The following CFAP299 variants were observed in gnomAD, a reference collection of about 807,000 sequenced individuals.
CFAP299 encodes cilia and flagella associated protein 299.
Under a neutral mutation model 27.0 loss-of-function variants are expected in CFAP299, and 21 were observed. That is an observed-to-expected ratio of 0.78 (90% CI 0.55 to 1.12). CFAP299 has a LOEUF of 1.12. Among genes scored for constraint, CFAP299 ranks in the 50% most tolerant of loss-of-function variants. The pLI is 0.00. For missense variants in CFAP299, 310 were observed against 276.6 expected, an observed-to-expected ratio of 1.12 and a Z score of -0.86; for synonymous variants, 104 against 98.1, an observed-to-expected ratio of 1.06 and a Z score of -0.36.
At chr4:80,916,296 T>TATATATATATATATATATATATATA (rs1578236267) in intron 4 of CFAP299, among the ~76,000 whole-genome samples, 2 of 130,678 alleles carry the variant, frequency 1.5e-5, no homozygotes, top group South Asian at 2.5e-4. Context: ...TATATATATA[T>TATATATATATATATATATATATATA]TTCAGGTACA....
At chr4:80,712,554 A>G (rs561165745) in intron 3 of CFAP299, among the ~76,000 whole-genome samples, 25 of 152,298 alleles carry the variant, frequency 1.6e-4, no homozygotes, top group African/African-American at 5.3e-4. Context: ...GTAAGTCAAC[A>G]ATGGTGACTA....
At chr4:80,567,627 G>T (rs1735367815) in intron 2 of CFAP299, among the ~76,000 whole-genome samples, 1 of 151,850 alleles carries the variant, frequency 6.6e-6, no homozygotes, top group African/African-American at 2.4e-5. Context: ...ATTAAAGGCG[G>T]ATTGTCTGTT....
chr4:80,917,558 C>G (rs772999642), intron 4 of CFAP299, among the ~76,000 whole-genome samples: 1 of 152,096 alleles, frequency 6.6e-6, no homozygotes, highest in Non-Finnish European at 1.5e-5. Context: ...TGAGGGAACT[C>G]CAGTCCATAT....
At chr4:80,818,726 A>G (rs1195871074) in intron 3 of CFAP299, among the ~76,000 whole-genome samples, 1 of 152,202 alleles carries the variant, frequency 6.6e-6, no homozygotes, top group Admixed American at 6.6e-5. Context: ...CAGATTTGGA[A>G]TTTATAACAG....
chr4:80,475,077 A>T (rs1376431546), intron 2 of CFAP299, among the ~76,000 whole-genome samples: 1 of 152,046 alleles, frequency 6.6e-6, no homozygotes, highest in African/African-American at 2.4e-5. Flanking sequence ...TTTGAAGGGG[A>T]GTAAGTGTGG....
At chr4:80,895,922 G>A (rs1401860097) in intron 4 of CFAP299, among the ~76,000 whole-genome samples, 13 of 152,048 alleles carry the variant, frequency 8.5e-5, no homozygotes, top group Non-Finnish European at 1.5e-5. Context: ...CGCCAACTCA[G>A]TAAATGTTTA....
At chr4:80,404,282 T>C (rs1476267154) in intron 2 of CFAP299, among the ~76,000 whole-genome samples, 1 of 152,096 alleles carries the variant, frequency 6.6e-6, no homozygotes, top group Admixed American at 6.6e-5. Context: ...TGTGATAAAG[T>C]ACACATGTAA....
At chr4:80,349,338 C>A (rs1722910527) in intron 1 of CFAP299, among the ~76,000 whole-genome samples, 1 of 152,104 alleles carries the variant, frequency 6.6e-6, no homozygotes, top group Non-Finnish European at 1.5e-5. Context: ...GAAGTTTCAG[C>A]TTAGATAATT....
intron 2 of CFAP299, among the ~76,000 whole-genome samples, chr4:80,495,785 G>A (rs1406080432): frequency 1.3e-5 from 2 of 152,226 alleles, no homozygotes; most frequent in African/African-American, 4.8e-5. Context: ...ACTAGCATCT[G>A]CTCAGCTTCT....
intron 3 of CFAP299, among the ~76,000 whole-genome samples, chr4:80,651,376 T>A (rs1035266735): frequency 2.0e-5 from 3 of 150,614 alleles, no homozygotes; most frequent in Admixed American, 6.6e-5. Flanking sequence ...TCTTTTTTTT[T>A]TTTTGTTGAG....
At chr4:80,370,229 G>A (rs188997450) in intron 2 of CFAP299, among the ~76,000 whole-genome samples, 23 of 152,148 alleles carry the variant, frequency 1.5e-4, no homozygotes, top group Admixed American at 2.0e-4. Flanking sequence ...AGAGTACCAG[G>A]GGGAAATCTG....
At chr4:80,870,808 T>C in intron 4 of CFAP299, 1 of 985,092 alleles carries the variant, frequency 1.0e-6, no homozygotes, top group Non-Finnish European at 1.2e-6. Flanking sequence ...CAGATCATTA[T>C]TTGATGATTA....
chr4:80,672,531 G>GGA (rs1297582555), intron 3 of CFAP299, among the ~76,000 whole-genome samples: 11 of 152,312 alleles, frequency 7.2e-5, no homozygotes, highest in Admixed American at 3.9e-4. Flanking sequence ...AATGAGTTAG[G>GGA]GAGGATTCCC....
intron 2 of CFAP299, among the ~76,000 whole-genome samples, chr4:80,483,237 T>C (rs1730653305): frequency 6.6e-6 from 1 of 152,196 alleles, no homozygotes; most frequent in African/African-American, 2.4e-5. Context: ...TGGTGACCTC[T>C]AGAAGGTAGG....
At chr4:80,879,233 T>C (rs879642852) in intron 4 of CFAP299, among the ~76,000 whole-genome samples, 2 of 152,168 alleles carry the variant, frequency 1.3e-5, no homozygotes, top group Non-Finnish European at 2.9e-5. Context: ...AGGAAGAATT[T>C]GTGCAGTGGT....
At chr4:80,726,690 C>T (rs1046533117) in intron 3 of CFAP299, among the ~76,000 whole-genome samples, 57 of 152,110 alleles carry the variant, frequency 3.7e-4, no homozygotes, top group Non-Finnish European at 2.6e-4. Context: ...ATGTTCTTTC[C>T]CTGATTTTCC....
chr4:80,830,556 G>A (rs769578870), intron 3 of CFAP299, among the ~76,000 whole-genome samples: 32 of 151,958 alleles, frequency 2.1e-4, no homozygotes, highest in Non-Finnish European at 2.2e-4. Context: ...TCTAGGCTTC[G>A]GCAGGGACCA....
At chr4:80,870,379 T>C (rs1733010894) in intron 4 of CFAP299, 1 of 1,148,014 alleles carries the variant, frequency 8.7e-7, no homozygotes, top group Admixed American at 4.5e-5. Context: ...CATTCCTTTT[T>C]AATGATAAGT....
intron 3 of CFAP299, among the ~76,000 whole-genome samples, chr4:80,622,236 A>C (rs982061521): frequency 6.6e-6 from 1 of 152,222 alleles, no homozygotes; most frequent in African/African-American, 2.4e-5. Context: ...GCAATAGTCC[A>C]GGTAAGAGGA....
Sources: allele counts gnomAD v4.1 joint callset (sites outside exome capture counted in the v4.1 genomes callset), GRCh38; gene constraint gnomAD v4.1.1; transcripts MANE v1.5; gene names NCBI Gene and HGNC (gene_info 2026-07-23, HGNC 2026-07-21).